SP110: variants seen among roughly 807,000 people sequenced by gnomAD.
SP110 encodes the protein interferon-induced protein 41, 30kD.
SP110 carries 62 observed loss-of-function variants against 92.7 expected under a neutral mutation model. The ratio of observed to expected loss-of-function variants is 0.67; its 90% confidence interval spans 0.55 to 0.83. SP110 has a LOEUF of 0.83. Ranked by LOEUF, SP110 falls within the 40% of genes least tolerant of loss-of-function variation. The probability of loss-of-function intolerance (pLI) is 0.00; values close to 1 mark genes in which losing one functional copy is unlikely to be tolerated. For missense variants in SP110, 793 were observed against 863.9 expected (o/e 0.92, Z 1.03); for synonymous variants, 273 against 305.3 (o/e 0.89, Z 1.10).
At chr2:230,170,898 T>A in intron 17 of SP110, 137 bp from the exon 18 acceptor site, 1 of 840,422 alleles carries the variant, frequency 1.2e-6, no homozygotes, top group East Asian at 2.6e-5. Context: ...CAGCTATTGT[T>A]CTAGGCACTA....
chr2:230,198,106 A>C (rs2042962428), intron 10 of SP110, among the ~76,000 whole-genome samples: 1 of 136,336 alleles, frequency 7.3e-6, no homozygotes, highest in Non-Finnish European at 1.6e-5. Context: ...GTAGGACAAT[A>C]GGACCCTCTG....
At chr2:230,206,595 T>TTTTATATATATATA (rs1317441117) in intron 8 of SP110, among the ~76,000 whole-genome samples, 1 of 70,530 alleles carries the variant, frequency 1.4e-5, no homozygotes, top group African/African-American at 4.8e-5. Context: ...GGTCCAGATT[T>TTTTATATATATATA]TATATATATA....
chr2:230,222,707 AAAAG>A (rs2045921471), upstream of SP110, among the ~76,000 whole-genome samples: 1 of 152,020 alleles, frequency 6.6e-6, no homozygotes, highest in Non-Finnish European at 1.5e-5. Flanking sequence ...AAAAAAAAAA[AAAAG>A]ATACAGACCA....
intron 8 of SP110, 116 bp from the exon 9 acceptor site, chr2:230,202,844 G>A (rs2043317284): frequency 2.2e-6 from 2 of 915,228 alleles, no homozygotes; most frequent in Non-Finnish European, 3.7e-6. Flanking sequence ...TCAGATCTCT[G>A]TACCCCTGTA....
At chr2:230,173,970 G>A (rs2041733293) in intron 14 of SP110, 1 of 152,174 alleles carries the variant, frequency 6.6e-6, no homozygotes, top group South Asian at 2.1e-4. Flanking sequence ...TTGCAGGCAG[G>A]ATTTGAACTG....
At chr2:230,178,693 A>G in intron 12 of SP110, among the ~76,000 whole-genome samples, 1 of 152,182 alleles carries the variant, frequency 6.6e-6, no homozygotes, top group African/African-American at 2.4e-5. Context: ...GGTGGCTGGC[A>G]CTGAGGGGAT....
chr2:230,181,856 A>T (rs2042141732), intron 12 of SP110, among the ~76,000 whole-genome samples: 2 of 152,238 alleles, frequency 1.3e-5, no homozygotes, highest in African/African-American at 2.4e-5. Context: ...TATTGGTGGG[A>T]ATGTAAATTA....
chr2:230,203,890 G>A (rs969529375), intron 8 of SP110, among the ~76,000 whole-genome samples: 47 of 152,134 alleles, frequency 3.1e-4, no homozygotes, highest in African/African-American at 1.1e-3. Context: ...AGTTTTACAA[G>A]ATAAAAGAGT....
At chr2:230,177,827 C>T (rs749524414) in intron 13 of SP110, 147 bp from the exon 14 acceptor site, 4 of 951,938 alleles carry the variant, frequency 4.2e-6, no homozygotes, top group Non-Finnish European at 6.8e-6. Context: ...AGTCTGCGGG[C>T]CTCTTCTCTT....
chr2:230,225,620 C>T (rs1033270826), exon 1 of SP110: 3 of 596,426 alleles, frequency 5.0e-6, no homozygotes, highest in Non-Finnish European at 9.0e-6. Flanking sequence ...CTTCCGTGGC[C>T]TCGTGGGGCT....
chr2:230,172,398 G>A (rs1460673963), intron 15 of SP110: 2 of 601,580 alleles, frequency 3.3e-6, no homozygotes, highest in African/African-American at 3.7e-5. Flanking sequence ...TCACTGTTAA[G>A]TGTGGGCTCT....
intron 8 of SP110, among the ~76,000 whole-genome samples, chr2:230,207,332 G>A (rs1239273410): frequency 1.3e-5 from 2 of 152,096 alleles, no homozygotes; most frequent in Non-Finnish European, 2.9e-5. Context: ...ATATTGCTCT[G>A]GCTGATAAGC....
intron 10 of SP110, among the ~76,000 whole-genome samples, chr2:230,197,418 A>T (rs1437179452): frequency 6.6e-6 from 1 of 151,002 alleles, no homozygotes; most frequent in Non-Finnish European, 1.5e-5. Flanking sequence ...AATTTGTTTG[A>T]GTTAATTGTA....
upstream of SP110, chr2:230,221,724 C>A (rs780243875): frequency 3.6e-5 from 55 of 1,535,932 alleles, no homozygotes; most frequent in Non-Finnish European, 4.8e-5. Flanking sequence ...CTCCCCATCA[C>A]CTGGAAAGCC....
chr2:230,225,605 C>A (rs1020364907), exon 1 of SP110: 15 of 579,708 alleles, frequency 2.6e-5, no homozygotes, highest in African/African-American at 2.4e-4. Context: ...AACAAGTGAC[C>A]CTGTCTTCCG....
At chr2:230,213,974 T>C (rs2044796775) in intron 3 of SP110, 1 of 152,260 alleles carries the variant, frequency 6.6e-6, no homozygotes, top group Non-Finnish European at 1.5e-5. Context: ...AGCCTTTTGA[T>C]GGTGAAGTGT....
chr2:230,201,372 G>A (rs1024131791), intron 9 of SP110, among the ~76,000 whole-genome samples: 3 of 152,172 alleles, frequency 2.0e-5, no homozygotes, highest in Admixed American at 6.5e-5. Flanking sequence ...TACAGATTGA[G>A]CAAGAGCAAT....
At chr2:230,183,466 T>C (rs2042216167) in intron 12 of SP110, 106 bp downstream of exon 12, 1 of 827,984 alleles carries the variant, frequency 1.2e-6, no homozygotes, top group Non-Finnish European at 2.1e-6. Context: ...GGAGAACAAC[T>C]TTGGAGGAGA....
At chr2:230,207,592 A>G (rs2044010358) in intron 8 of SP110, among the ~76,000 whole-genome samples, 1 of 152,184 alleles carries the variant, frequency 6.6e-6, no homozygotes, top group Admixed American at 6.5e-5. Flanking sequence ...AATGGGCATT[A>G]CCACTTACTT....
Sources: gnomAD v4.1 joint callset for allele counts (sites outside exome capture counted in the v4.1 genomes callset) on GRCh38, gnomAD v4.1.1 for gene constraint, MANE v1.5 for transcripts, NCBI Gene and HGNC (gene_info 2026-07-23, HGNC 2026-07-21) for gene names.